ZNF165: variants seen among roughly 807,000 people sequenced by gnomAD.
The protein encoded by ZNF165 is zinc finger protein 165, also known as cancer/testis antigen 53.
In ZNF165, 14 loss-of-function variants were observed where a neutral mutation model predicts 19.6. That is an observed-to-expected ratio of 0.71 (90% CI 0.47 to 1.12). The LOEUF (loss-of-function observed/expected upper bound fraction) is 1.12. Ranked by LOEUF, ZNF165 falls within the 50% of genes most tolerant of loss-of-function variation. The pLI is 0.00. For synonymous variants in ZNF165, 165 were observed against 195.0 expected (o/e 0.85, Z 1.28); for missense variants, 504 against 566.3 (o/e 0.89, Z 1.12).
chr6:28,085,761 T>C lies in ZNF165; in HGVS notation c.281T>C (p.Leu94Pro), dbSNP rs1219685118. The C allele has an allele frequency of 4.3e-6, 7 of 1,613,648 alleles. No individual in the cohort carries two copies. In the Admixed American group the frequency reaches 1.0e-4, roughly 23 times the overall value. Residue 94 changes from leucine to proline, a missense_variant, in exon 2 of 4, where the codon CTA becomes CCA. Transcript: ENST00000683778. ...GAACAGATTCTGGAACTGCTGGTGC[T>C]AGAGCAGTTCCTGACCATCCTGCCA... ...TKEQILELLV[L>P]EQFLTILPGD...
chr6:28,081,293 C>G (rs983308723), intron 1 of ZNF165: 1 of 152,240 alleles, frequency 6.6e-6, no homozygotes, highest in African/African-American at 2.4e-5. Context: ...CCCATTCCAG[C>G]CAGGTGGAAC....
rs779861389 is a variant in ZNF165 at position 28,089,467 on chromosome 6, G to A, written c.1455G>A (p.Met485Ile). The A allele has an allele frequency of 3.2e-6, 5 of 1,562,728 alleles. No homozygotes were observed. Among genetic ancestry groups the A allele is most frequent in the Non-Finnish European group, 4.3e-6 (5 of 1,154,900 alleles). Residue 485 changes from methionine to isoleucine, a missense_variant, in exon 4 of 4, where the codon ATG becomes ATA. Met to Ile is a conservative substitution (Grantham distance 10). Transcript: ENST00000683778. ...TTCACATGAGGGAAAACCTATTAAT[G>A]TAAGGAACTTAAATTTGTAAGTAAA... ...QRIHMRENLL[M>I]
chr6:28,081,100 G>A (rs1764144047), intron 1 of ZNF165, 130 bp downstream of exon 1: 1 of 152,322 alleles, frequency 6.6e-6, no homozygotes, highest in Non-Finnish European at 1.5e-5. Context: ...GAATCCCGGA[G>A]AAAGGTAGAA....
At chr6:28,086,361 G>A in intron 3 of ZNF165, 51 bp downstream of exon 3, 1 of 1,565,998 alleles carries the variant, frequency 6.4e-7, no homozygotes, top group Non-Finnish European at 8.6e-7. Context: ...ACAGGGGAAT[G>A]AATCTCCCTC....
At chr6:28,084,003 A>C (rs747655676) in intron 1 of ZNF165, among the ~76,000 whole-genome samples, 6 of 152,178 alleles carry the variant, frequency 3.9e-5, no homozygotes, top group Non-Finnish European at 7.4e-5. Flanking sequence ...CACTGAATTT[A>C]TTTCTTTCTC....
chr6:28,089,154 T>A lies in ZNF165; in HGVS notation c.1142T>A (p.Phe381Tyr), dbSNP rs764093562. 1.9e-6 allele frequency: 3 copies of A among 1,614,196 alleles called. No homozygotes were observed. Among genetic ancestry groups the A allele is most frequent in the Non-Finnish European group, 2.5e-6 (3 of 1,180,034 alleles). ...GAATGTAATGAATGTGGGAAAAGCTTTGCAGAGAGCTCAGATCTTACTAGA... is the reference window on the plus strand; with the variant it reads ...GAATGTAATGAATGTGGGAAAAGCTATGCAGAGAGCTCAGATCTTACTAGA... The part of the protein sequence containing the change: ...CYECNECGKS[F>Y]AESSDLTRHR... The change falls in exon 4 of 4, where the codon TTT (phenylalanine) becomes TAT (tyrosine). Residue 381 changes from phenylalanine (F) to tyrosine (Y), a missense_variant. Physicochemically the swap from Phe to Tyr is conservative, Grantham distance 22. Transcript: ENST00000683778.
chr6:28,088,727 A>G lies in ZNF165; in HGVS notation c.715A>G (p.Lys239Glu). The G allele has an allele frequency of 1.2e-6, 2 of 1,614,174 alleles. No homozygotes were observed. The highest frequency in any genetic ancestry group is 8.5e-7 in the Non-Finnish European group (1 of 1,180,002). ...AGGCAGGGTAAAGAGACAATGGGAA[A>G]AAGAATCAGGGGAGTCTCAGAGACT... Reference protein sequence around the residue: ...SAGRVKRQWEKESGESQRLSS... With the variant: ...SAGRVKRQWEEESGESQRLSS... The change falls in exon 4 of 4, where the codon AAA becomes GAA. Residue 239 changes from lysine to glutamate, a missense_variant. By Grantham distance (56) the Lys-to-Glu change is moderately conservative. Coordinates refer to ENST00000683778, the MANE Select transcript of ZNF165 (RefSeq NM_001376491.1).
intron 1 of ZNF165, among the ~76,000 whole-genome samples, chr6:28,083,596 G>A (rs1307680733): frequency 6.6e-6 from 1 of 152,150 alleles, no homozygotes; most frequent in African/African-American, 2.4e-5. Flanking sequence ...TAGCCAATAG[G>A]GGAACGACAT....
intron 2 of ZNF165, 131 bp from the exon 3 acceptor site, chr6:28,086,041 A>T (rs896291288): frequency 4.3e-5 from 64 of 1,498,538 alleles, no homozygotes; most frequent in Non-Finnish European, 5.5e-5. Flanking sequence ...TCCACACTAC[A>T]TTTTACAATT....
Position 28,088,829 on chromosome 6 carries a change from G to T in ZNF165, c.817G>T (p.Asp273Tyr), listed in dbSNP as rs774158679. 1.9e-6 allele frequency: 3 copies of T among 1,614,188 alleles called. No individual in the cohort carries two copies. In the Admixed American group the frequency reaches 5.0e-5, roughly 27 times the overall value. Residue 273 changes from aspartate (D) to tyrosine (Y), a missense_variant, in exon 4 of 4, where the codon GAT becomes TAT. Transcript: ENST00000683778. ...NTVRGEIISH[D>Y]GCERRLNLNS... ...AGTCAGAGGTGAAATAATAAGCCAC[G>T]ATGGATGTGAGAGGAGATTAAATCT...
chr6:28,087,814 A>G (rs913846563), intron 3 of ZNF165, among the ~76,000 whole-genome samples: 7 of 152,110 alleles, frequency 4.6e-5, no homozygotes, highest in Non-Finnish European at 1.0e-4. Context: ...TGAACAAAAA[A>G]AGAGAGAGAG....
chr6:28,087,948 T>TA lies in ZNF165; in HGVS notation c.551-612dup, dbSNP rs1764316656. Among the ~76,000 whole-genome samples, 4 of 152,286 alleles carry TA rather than the reference T, an allele frequency of 2.6e-5. No homozygotes were observed. In the East Asian group the frequency reaches 7.7e-4, roughly 29 times the overall value. On this transcript the variant is annotated intron_variant, in intron 3 of 3. Transcript: ENST00000683778. ...AGAGTCAAAACAGCAAGGAGGCAGT[T>TA]AAAGTCTAGATAGGAAATGGTAAGG... is the stretch of plus-strand genomic sequence containing the variant.
At chr6:28,084,737 T>G (rs909680512) in intron 1 of ZNF165, among the ~76,000 whole-genome samples, 9 of 152,256 alleles carry the variant, frequency 5.9e-5, no homozygotes, top group African/African-American at 2.2e-4. Context: ...ACCCTAGAAA[T>G]GAAGAACATA....
At chr6:28,082,895 A>C (rs976336938) in intron 1 of ZNF165, among the ~76,000 whole-genome samples, 1 of 152,260 alleles carries the variant, frequency 6.6e-6, no homozygotes, top group African/African-American at 2.4e-5. Flanking sequence ...AACAGAAGTC[A>C]TCTGAAACTT....
At chr6:28,081,709 A>G (rs1764159402) in intron 1 of ZNF165, among the ~76,000 whole-genome samples, 1 of 151,340 alleles carries the variant, frequency 6.6e-6, no homozygotes, top group Admixed American at 6.6e-5. Context: ...TTAACCTCCA[A>G]CTTTCTCATC....
rs372439521 is a variant in ZNF165, at chr6:28,085,579, G to A, written c.99G>A (p.Gln33=). 2.3e-5 allele frequency: 37 copies of A among 1,614,110 alleles called. No individual in the cohort carries two copies. The highest frequency in any genetic ancestry group is 3.1e-5 in the Non-Finnish European group (36 of 1,180,046). ...AAGAGGAAGAATTTATCCATGGGCA[G>A]GACACTTGCTTACAGAGAAGTGAAC... ...KIEEEEFIHG[Q]DTCLQRSELL... The change falls in exon 2 of 4, where the codon CAG becomes CAA. Residue 33 remains glutamine (Q), a synonymous_variant. Coordinates refer to ENST00000683778, the MANE Select transcript of ZNF165 (RefSeq NM_001376491.1).
At chr6:28,083,143 G>A (rs903033837) in intron 1 of ZNF165, among the ~76,000 whole-genome samples, 6 of 152,122 alleles carry the variant, frequency 3.9e-5, no homozygotes, top group Non-Finnish European at 7.4e-5. Context: ...ATCACACCCT[G>A]CAAGTTGATC....
chr6:28,088,306 G>A (rs1241752870), intron 3 of ZNF165, among the ~76,000 whole-genome samples: 1 of 152,088 alleles, frequency 6.6e-6, no homozygotes, highest in Non-Finnish European at 1.5e-5. Context: ...TTGAGTTCTT[G>A]CTGATGACAA....
intron 3 of ZNF165, among the ~76,000 whole-genome samples, chr6:28,087,282 G>A (rs1764297637): frequency 1.3e-5 from 2 of 152,194 alleles, no homozygotes; most frequent in Non-Finnish European, 1.5e-5. Context: ...GTCTTGCTCT[G>A]TCACCTAGGC....
Sources: gnomAD v4.1 joint callset for allele counts (sites outside exome capture counted in the v4.1 genomes callset) on GRCh38, gnomAD v4.1.1 for gene constraint, MANE v1.5 for transcripts, NCBI Gene and HGNC (gene_info 2026-07-23, HGNC 2026-07-21) for gene names.